TNFRSF19: variants seen among roughly 807,000 people sequenced by gnomAD.
The protein encoded by TNFRSF19 is tumor necrosis factor receptor superfamily member 19.
Under a neutral mutation model 46.4 loss-of-function variants are expected in TNFRSF19, and 27 were observed. The observed-to-expected ratio is 0.58, with a 90% CI of 0.43 to 0.80. TNFRSF19 has a LOEUF of 0.80. Among genes scored for constraint, TNFRSF19 ranks in the 30% least tolerant of loss-of-function variants. The pLI, the probability that TNFRSF19 is intolerant of heterozygous loss-of-function variation, is 0.00. For missense variants in TNFRSF19, 511 were observed against 530.8 expected, an observed-to-expected ratio of 0.96 and a Z score of 0.37; for synonymous variants, 204 against 205.0, an observed-to-expected ratio of 1.00 and a Z score of 0.04.
chr13:23,659,845 C>T lies in TNFRSF19; in HGVS notation c.611-520C>T, dbSNP rs532115930. 3.9e-4 allele frequency among the ~76,000 whole-genome samples: 59 copies of T among 152,002 alleles called. No homozygotes were observed. The highest frequency in any genetic ancestry group is 6.8e-4 in the Non-Finnish European group (46 of 68,020). ...CCCTGTATTCTTACATTAAAGTAAG[C>T]TAGAGAAAAGAAAATGTTACTAAGA... On this transcript the variant is annotated intron_variant, in intron 6 of 9. Coordinates refer to ENST00000248484, the MANE Select transcript of TNFRSF19 (RefSeq NM_148957.4). This position sits in a 1 kb window ranked among gnomAD's most constrained non-coding sequence, Gnocchi z 4.9.
intron 4 of TNFRSF19, among the ~76,000 whole-genome samples, chr13:23,617,682 G>A (rs1285957287): frequency 6.6e-6 from 1 of 152,188 alleles, no homozygotes; most frequent in African/African-American, 2.4e-5. Flanking sequence ...GCATTGCAGG[G>A]GCAGCAAACA....
At chr13:23,599,421 T>C (rs972590941) in intron 3 of TNFRSF19, among the ~76,000 whole-genome samples, 1 of 152,156 alleles carries the variant, frequency 6.6e-6, no homozygotes, top group Admixed American at 6.6e-5. Flanking sequence ...CCTGACAGCA[T>C]GTGTCCAAGG....
At chr13:23,640,337 TG>T (rs1436844491) in intron 5 of TNFRSF19, among the ~76,000 whole-genome samples, 2 of 152,214 alleles carry the variant, frequency 1.3e-5, no homozygotes, top group Admixed American at 6.5e-5. Context: ...TAGCTAGCTG[TG>T]TTGATGAGAA....
At position 23,615,971 on chromosome 13, in the gene TNFRSF19, C is replaced by T. The variant is rs762063764; in HGVS notation, c.285C>T (p.Cys95=). 2.5e-5 allele frequency: 41 copies of T among 1,613,794 alleles called. No homozygotes were observed. Among genetic ancestry groups the T allele is most frequent in the Admixed American group, 3.3e-5 (2 of 59,996 alleles). ...GFQKCKPCLD[C]AVVNRFQKAN... ...AGAAATGCAAGCCCTGTCTGGACTG[C>T]GCAGTGGTGAACCGCTTTCAGAAGG... The change falls in exon 4 of 10, where the codon TGC becomes TGT. Residue 95 remains cysteine, a synonymous_variant. Coordinates refer to ENST00000248484, the MANE Select transcript of TNFRSF19 (RefSeq NM_148957.4).
intron 7 of TNFRSF19, among the ~76,000 whole-genome samples, chr13:23,663,051 G>A (rs903079199): frequency 3.1e-4 from 47 of 152,092 alleles, no homozygotes; most frequent in African/African-American, 1.1e-3. Context: ...TTCCCATACT[G>A]TGTTGAATAG....
chr13:23,621,821 A>T lies in TNFRSF19; in HGVS notation c.360-4886A>T, dbSNP rs576100506. Among the ~76,000 whole-genome samples the T allele has an allele frequency of 5.3e-5, 8 of 151,914 alleles. No homozygotes were observed. In the South Asian group the frequency reaches 1.7e-3, roughly 32 times the overall value. The stretch of plus-strand genomic sequence containing the variant: ...AAAAATTAGCTGGGCATGGTGATAC[A>T]CACCTGTAGTCCCAGCTACTTGGGA... On this transcript the variant is annotated intron_variant, in intron 4 of 9. Coordinates refer to ENST00000248484, the MANE Select transcript of TNFRSF19 (RefSeq NM_148957.4).
At chr13:23,638,211 G>GTCCGTAGACTATTAA (rs1882816232) in intron 5 of TNFRSF19, among the ~76,000 whole-genome samples, 1 of 151,550 alleles carries the variant, frequency 6.6e-6, no homozygotes, top group Admixed American at 6.5e-5. Flanking sequence ...TGCGGGTAGG[G>GTCCGTAGACTATTAA]AAGGTTCCTT....
chr13:23,596,310 A>T (rs190060360), intron 3 of TNFRSF19, among the ~76,000 whole-genome samples: 1 of 152,316 alleles, frequency 6.6e-6, no homozygotes, highest in Admixed American at 6.5e-5. Flanking sequence ...GGCAAATTGG[A>T]TAAAGAGTCA....
intron 7 of TNFRSF19, 91 bp downstream of exon 7, chr13:23,660,581 C>A: frequency 1.4e-6 from 2 of 1,413,258 alleles, no homozygotes; most frequent in Non-Finnish European, 1.9e-6. Flanking sequence ...CACCTCACAG[C>A]GAGGTGGCTG....
intron 4 of TNFRSF19, among the ~76,000 whole-genome samples, chr13:23,619,964 C>A (rs1881546001): frequency 6.6e-6 from 1 of 152,216 alleles, no homozygotes; most frequent in Non-Finnish European, 1.5e-5. Flanking sequence ...GCTCTAGTTT[C>A]TACAGTGTTT....
chr13:23,601,918 C>T (rs1024041826), intron 3 of TNFRSF19, among the ~76,000 whole-genome samples: 1 of 152,000 alleles, frequency 6.6e-6, no homozygotes, highest in African/African-American at 2.4e-5. Flanking sequence ...ACATAAAATG[C>T]TCAATTAAAA....
chr13:23,576,598 C>T (rs1341596272), intron 1 of TNFRSF19, among the ~76,000 whole-genome samples: 1 of 152,096 alleles, frequency 6.6e-6, no homozygotes, highest in African/African-American at 2.4e-5. Flanking sequence ...TCTTGGATAC[C>T]AAAATCTGCA....
Position 23,659,075 on chromosome 13 carries a change from G to A in TNFRSF19, c.471G>A (p.Lys157=), listed in dbSNP as rs574959036. ...GTGCCAGCAAGGTCAACCTCGTGAA[G>A]ATCGCGTCCACGGCCTCCAGCCCAC... ...PHCASKVNLV[K]IASTASSPRD... The change falls in exon 6 of 10, where the codon AAG becomes AAA. Residue 157 remains lysine (K), a synonymous_variant. Coordinates refer to ENST00000248484, the MANE Select transcript of TNFRSF19 (RefSeq NM_148957.4). This position sits in a 1 kb window ranked among gnomAD's most constrained non-coding sequence, Gnocchi z 4.9. 2 of 1,613,824 alleles carry A rather than the reference G, an allele frequency of 1.2e-6. No individual in the cohort carries two copies. The highest frequency in any genetic ancestry group is 2.2e-5 in the South Asian group (2 of 91,080).
At chr13:23,579,986 G>A (rs1878288494) in intron 1 of TNFRSF19, among the ~76,000 whole-genome samples, 1 of 152,240 alleles carries the variant, frequency 6.6e-6, no homozygotes, top group African/African-American at 2.4e-5. Context: ...CGGCGGGAGA[G>A]CGTTGTCTGT....
At position 23,669,073 on chromosome 13, in the gene TNFRSF19, C is replaced by T. The variant is rs775867345; in HGVS notation, c.1221C>T (p.His407=). 1.9e-6 allele frequency: 3 copies of T among 1,614,104 alleles called. No individual in the cohort carries two copies. The highest frequency in any genetic ancestry group is 2.2e-5 in the East Asian group (1 of 44,884). ...QLDQESGAVI[H]PATQTSLQEA Reference sequence around the variant, plus strand: ...ATCAGGAGAGTGGTGCTGTCATCCACCCAGCCACTCAGACGTCCCTCCAGG... The same window carrying T: ...ATCAGGAGAGTGGTGCTGTCATCCATCCAGCCACTCAGACGTCCCTCCAGG... Residue 407 remains histidine, a synonymous_variant, in exon 9 of 10, where the codon CAC becomes CAT. Coordinates refer to ENST00000248484, the MANE Select transcript of TNFRSF19 (RefSeq NM_148957.4).
chr13:23,618,137 T>C (rs1377451015), intron 4 of TNFRSF19, among the ~76,000 whole-genome samples: 3 of 152,116 alleles, frequency 2.0e-5, no homozygotes, highest in Non-Finnish European at 2.9e-5. Context: ...AATAGCTCTG[T>C]TGGACTTTAT....
chr13:23,620,255 A>G (rs891087418), intron 4 of TNFRSF19, among the ~76,000 whole-genome samples: 2 of 152,214 alleles, frequency 1.3e-5, no homozygotes, highest in African/African-American at 4.8e-5. Context: ...CGTGAGCAAA[A>G]TGCATATTGC....
chr13:23,653,986 G>A (rs1043792184), intron 5 of TNFRSF19, among the ~76,000 whole-genome samples: 8 of 152,138 alleles, frequency 5.3e-5, no homozygotes, highest in Non-Finnish European at 8.8e-5. Flanking sequence ...CTGCCTCAGT[G>A]GGTCTTGGTG....
At chr13:23,603,556 A>G (rs1880313787) in intron 3 of TNFRSF19, among the ~76,000 whole-genome samples, 1 of 152,204 alleles carries the variant, frequency 6.6e-6, no homozygotes, top group African/African-American at 2.4e-5. Context: ...CAAAGATACA[A>G]AAATTCTCAA....
Sources: allele counts gnomAD v4.1 joint callset (sites outside exome capture counted in the v4.1 genomes callset), GRCh38; gene constraint gnomAD v4.1.1; non-coding constraint Gnocchi (gnomAD v3.1); transcripts MANE v1.5; gene names NCBI Gene and HGNC (gene_info 2026-07-23, HGNC 2026-07-21).